The following PDE10A variants were observed in gnomAD, a reference collection of about 807,000 sequenced individuals.
The protein encoded by PDE10A is phosphodiesterase 10A.
In PDE10A, 39 loss-of-function variants were observed where a neutral mutation model predicts 97.7. The ratio of observed to expected loss-of-function variants is 0.40; its 90% CI spans 0.31 to 0.52. The LOEUF (loss-of-function observed/expected upper bound fraction) is 0.52. PDE10A is among the 20% of genes least tolerant of loss of function. PDE10A has a pLI of 0.56. For missense variants in PDE10A, 731 were observed against 1,047.8 expected (o/e 0.70, Z 4.17); for synonymous variants, 371 against 376.8 (o/e 0.98, Z 0.18).
chr6:165,467,105 C>T (rs1448747322), intron 3 of PDE10A, among the ~76,000 whole-genome samples: 2 of 152,126 alleles, frequency 1.3e-5, no homozygotes, highest in Non-Finnish European at 2.9e-5. Flanking sequence ...GCCCTAGCTC[C>T]CTTCAATTAG....
At chr6:165,633,222 A>C (rs540241787) in intron 1 of PDE10A, among the ~76,000 whole-genome samples, 37 of 152,184 alleles carry the variant, frequency 2.4e-4, no homozygotes, top group Non-Finnish European at 4.9e-4. Flanking sequence ...AAACCAAGAC[A>C]CTATGCAGCT....
chr6:165,605,775 C>A (rs981558766), intron 1 of PDE10A, among the ~76,000 whole-genome samples: 3 of 152,090 alleles, frequency 2.0e-5, no homozygotes, highest in Non-Finnish European at 4.4e-5. Context: ...ATAAAAGTTA[C>A]AAATGTCCCC....
intron 2 of PDE10A, among the ~76,000 whole-genome samples, chr6:165,516,266 T>C (rs1235718651): frequency 6.6e-6 from 1 of 152,142 alleles, no homozygotes; most frequent in African/African-American, 2.4e-5. Context: ...CTCTTAATAC[T>C]CCCATGTTAA....
chr6:165,603,412 T>C (rs1373415261), intron 1 of PDE10A, among the ~76,000 whole-genome samples: 1 of 152,172 alleles, frequency 6.6e-6, no homozygotes, highest in Non-Finnish European at 1.5e-5. Flanking sequence ...ACAGAAATAA[T>C]ATTTAACAGC....
chr6:165,770,702 T>G (rs186311402), intron 1 of PDE10A, among the ~76,000 whole-genome samples: 1 of 152,206 alleles, frequency 6.6e-6, no homozygotes, highest in African/African-American at 2.4e-5. Context: ...CCTCATCATC[T>G]CTGCTCTAAA....
intron 17 of PDE10A, among the ~76,000 whole-genome samples, chr6:165,380,364 T>C (rs1296419998): frequency 1.3e-5 from 2 of 152,182 alleles, no homozygotes; most frequent in Non-Finnish European, 2.9e-5. Flanking sequence ...TTTAAAAAAT[T>C]AGACATCTCA....
chr6:165,356,791 G>A (rs181616241), intron 18 of PDE10A, among the ~76,000 whole-genome samples: 73 of 152,092 alleles, frequency 4.8e-4, no homozygotes, highest in Middle Eastern at 6.8e-3. Context: ...TGCTTAATTC[G>A]CTTATTAATT....
intron 1 of PDE10A, among the ~76,000 whole-genome samples, chr6:165,866,932 A>C (rs112157615): frequency 0.027 from 4,111 of 152,200 alleles, 73 homozygotes; most frequent in South Asian, 0.098. Flanking sequence ...TGCTACAAGA[A>C]ATACTCAAGG....
At chr6:165,907,709 A>T (rs1782334229) in intron 1 of PDE10A, among the ~76,000 whole-genome samples, 1 of 152,182 alleles carries the variant, frequency 6.6e-6, no homozygotes, top group Non-Finnish European at 1.5e-5. Context: ...GATGCCTCAG[A>T]CCAGTGATGG....
At chr6:165,444,465 A>G (rs1790694638) in intron 5 of PDE10A, among the ~76,000 whole-genome samples, 1 of 152,164 alleles carries the variant, frequency 6.6e-6, no homozygotes, top group Non-Finnish European at 1.5e-5. Flanking sequence ...TGATCTCTCA[A>G]TAATTAAAAA....
intron 1 of PDE10A, among the ~76,000 whole-genome samples, chr6:165,870,128 GC>G (rs1047643758): frequency 1.3e-5 from 2 of 152,038 alleles, no homozygotes; most frequent in African/African-American, 4.8e-5. Flanking sequence ...GCTTTGCACT[GC>G]CAGGAAAAAA....
intron 2 of PDE10A, among the ~76,000 whole-genome samples, chr6:165,494,187 T>C (rs1010022553): frequency 6.6e-6 from 1 of 152,042 alleles, no homozygotes; most frequent in Non-Finnish European, 1.5e-5. Context: ...GGAGTGGATG[T>C]GGTGGAAAGG....
intron 2 of PDE10A, among the ~76,000 whole-genome samples, chr6:165,485,652 G>T (rs1779871677): frequency 6.6e-6 from 1 of 150,630 alleles, no homozygotes; most frequent in South Asian, 2.1e-4. Context: ...GAGTGCAATG[G>T]CGTGATCTCA....
chr6:165,973,560 A>C (rs1784759606), intron 1 of PDE10A, among the ~76,000 whole-genome samples: 1 of 105,870 alleles, frequency 9.4e-6, no homozygotes, highest in African/African-American at 3.9e-5. Context: ...AAAAGCTTAA[A>C]ATCTTTTTTA....
intron 5 of PDE10A, among the ~76,000 whole-genome samples, chr6:165,447,648 G>A (rs221750): frequency 0.77 from 117,495 of 152,138 alleles, 45,728 homozygotes; most frequent in Middle Eastern, 0.9. Context: ...GCACCGAAAA[G>A]AAGTAATATC....
chr6:165,964,579 A>G (rs1387097569), intron 1 of PDE10A, among the ~76,000 whole-genome samples: 2 of 152,178 alleles, frequency 1.3e-5, no homozygotes, highest in Non-Finnish European at 2.9e-5. Context: ...GATCTCTCTC[A>G]TCATCTTCAT....
intron 19 of PDE10A, among the ~76,000 whole-genome samples, chr6:165,340,437 C>G (rs1364270592): frequency 6.6e-6 from 1 of 152,160 alleles, no homozygotes; most frequent in Non-Finnish European, 1.5e-5. Context: ...AGCACTTGTC[C>G]TGACAAAGCA....
chr6:165,944,053 C>T (rs1783677771), intron 1 of PDE10A, among the ~76,000 whole-genome samples: 1 of 152,188 alleles, frequency 6.6e-6, no homozygotes, highest in South Asian at 2.1e-4. Context: ...CCTCAGGAAA[C>T]CCTCAATCAT....
In PDE10A at chr6:165,662,125, G is replaced by A. The variant is rs1790305399; in HGVS notation, c.687C>T (p.Gly229=). 3 of 935,076 alleles carry A rather than the reference G, an allele frequency of 3.2e-6. No homozygotes were observed. The highest frequency in any genetic ancestry group is 2.6e-6 in the Non-Finnish European group (2 of 777,496). The allele number at this position is 935,076 out of a possible 1,614,324, so 57.9% of individuals were successfully genotyped here. A position where few individuals can be genotyped will look rare whatever the true frequency, so the allele number is the denominator to read the frequency against. The stretch of plus-strand genomic sequence containing the variant: ...GGCCGGCGCCGGGGAAGCCGGGGGA[G>A]CCCGCGCGGCGGGCGGCCTGGCCAA... ...LPLGQAARRA[G]SPGFPGAGPG... The change falls in exon 1 of 22, where the codon GGC becomes GGT. Residue 229 remains glycine, a synonymous_variant. Transcript: ENST00000539869.
Sources: gnomAD v4.1 joint callset for allele counts (sites outside exome capture counted in the v4.1 genomes callset) on GRCh38, gnomAD v4.1.1 for gene constraint, MANE v1.5 for transcripts, NCBI Gene and HGNC (gene_info 2026-07-23, HGNC 2026-07-21) for gene names.